The following BNC2 variants were observed in gnomAD, a reference collection of about 807,000 sequenced individuals.
BNC2 encodes basonuclin zinc finger protein 2, also known as zinc finger protein basonuclin-2.
BNC2 carries 20 observed loss-of-function variants against 76.3 expected under a neutral mutation model. The ratio of observed to expected loss-of-function variants is 0.26; its 90% CI spans 0.18 to 0.38. The LOEUF (loss-of-function observed/expected upper bound fraction) is 0.38, where lower values mean the gene tolerates loss of function less well. BNC2 is among the 10% of genes least tolerant of loss of function. The probability of loss-of-function intolerance (pLI) is 1.00; values close to 1 mark genes in which losing one functional copy is unlikely to be tolerated. For missense variants in BNC2, 1,382 were observed against 1,399.8 expected (o/e 0.99, Z 0.20); for synonymous variants, 582 against 514.8 (o/e 1.13, Z -1.77).
chr9:16,713,031 G>A (rs1823894418), intron 3 of BNC2, among the ~76,000 whole-genome samples: 2 of 152,230 alleles, frequency 1.3e-5, no homozygotes, highest in Admixed American at 6.5e-5. Context: ...AAGAGAAGCA[G>A]TGTACCGTAA....
intron 1 of BNC2, among the ~76,000 whole-genome samples, chr9:16,746,662 G>C (rs1206775040): frequency 6.6e-6 from 1 of 150,764 alleles, no homozygotes; most frequent in East Asian, 2.1e-4. Flanking sequence ...ACCGCGCCTG[G>C]CCTAAACTTA....
At chr9:16,845,525 T>C (rs903692719) in intron 1 of BNC2, among the ~76,000 whole-genome samples, 1 of 151,724 alleles carries the variant, frequency 6.6e-6, no homozygotes, top group East Asian at 2.0e-4. Context: ...ATCGAGACCA[T>C]CCTGGCTAAC....
rs552108281 is a variant in BNC2 at position 16,678,779 on chromosome 9, T to C, written c.330+49018A>G. ...GGAACCTACACACCATTGATCCATTTAGTGCACAAAAACTCAGAGTTGTCC... is the reference window on the plus strand; with the variant it reads ...GGAACCTACACACCATTGATCCATTCAGTGCACAAAAACTCAGAGTTGTCC... On this transcript the variant is annotated intron_variant, in intron 3 of 6. Transcript: ENST00000380672. 1.1e-4 allele frequency among the ~76,000 whole-genome samples: 16 copies of C among 152,288 alleles called. No homozygotes were observed. In the East Asian group the frequency reaches 2.7e-3, roughly 26 times the overall value.
chr9:16,789,510 C>T (rs1037534516), intron 1 of BNC2, among the ~76,000 whole-genome samples: 1 of 152,164 alleles, frequency 6.6e-6, no homozygotes. Flanking sequence ...CCTGTGCTTT[C>T]CATGCAGAAG....
chr9:16,646,850 G>A (rs529192419), intron 3 of BNC2, among the ~76,000 whole-genome samples: 84 of 152,268 alleles, frequency 5.5e-4, no homozygotes, highest in Non-Finnish European at 1.1e-3. Flanking sequence ...TATTGTAACA[G>A]CTGGGAATCC....
Position 16,630,644 on chromosome 9 carries a change from C to A in BNC2, c.331-47559G>T, listed in dbSNP as rs116349629. On this transcript the variant is annotated intron_variant, in intron 3 of 6. Transcript: ENST00000380672. ...GTGTACTTCTTTTCCTTTTTTTAAA[C>A]AGTGTGAGAAATTTTATTTTTAAGA... Among the ~76,000 whole-genome samples, 1,396 of 151,832 alleles carry A rather than the reference C, an allele frequency of 9.2e-3. 34 individuals carry two copies. The highest frequency in any genetic ancestry group is 0.031 in the African/African-American group (1,300 of 41,356).
At chr9:16,740,950 A>G (rs961645174) in intron 1 of BNC2, among the ~76,000 whole-genome samples, 7 of 152,204 alleles carry the variant, frequency 4.6e-5, no homozygotes, top group African/African-American at 1.7e-4. Flanking sequence ...CTCATGTTAG[A>G]AAACCAATTT....
intron 1 of BNC2, among the ~76,000 whole-genome samples, chr9:16,803,366 C>T (rs977965458): frequency 6.6e-6 from 1 of 152,196 alleles, no homozygotes; most frequent in African/African-American, 2.4e-5. Context: ...ATACGTACCT[C>T]TGCCCCAAAA....
At chr9:16,677,153 C>T (rs1281441258) in intron 3 of BNC2, among the ~76,000 whole-genome samples, 1 of 152,174 alleles carries the variant, frequency 6.6e-6, no homozygotes, top group East Asian at 1.9e-4. Context: ...AACAACAATG[C>T]ATTCACTATT....
chr9:16,858,801 G>A (rs903268482), intron 1 of BNC2, among the ~76,000 whole-genome samples: 4 of 151,276 alleles, frequency 2.6e-5, no homozygotes, highest in Admixed American at 1.3e-4. Flanking sequence ...AGCCAAGATT[G>A]CACCACTGCA....
At chr9:16,715,918 T>C (rs1384191181) in intron 3 of BNC2, among the ~76,000 whole-genome samples, 2 of 152,162 alleles carry the variant, frequency 1.3e-5, no homozygotes, top group Non-Finnish European at 2.9e-5. Flanking sequence ...TTACAGAATA[T>C]AAGACAATGG....
intron 1 of BNC2, among the ~76,000 whole-genome samples, chr9:16,773,512 G>GA (rs71327857): frequency 0.042 from 5,129 of 121,830 alleles, 243 homozygotes; most frequent in African/African-American, 0.15. Context: ...CATGCAATCA[G>GA]AAAAAAAAAA....
intron 3 of BNC2, among the ~76,000 whole-genome samples, chr9:16,639,665 C>T (rs137861303): frequency 6.6e-6 from 1 of 152,030 alleles, no homozygotes; most frequent in Non-Finnish European, 1.5e-5. Context: ...GCCTGTAATC[C>T]CAGTGCTTTG....
chr9:16,580,174 A>G (rs1408290042), intron 4 of BNC2: 1 of 398,384 alleles, frequency 2.5e-6, no homozygotes, highest in Non-Finnish European at 4.4e-6. Context: ...GAATGAAGCA[A>G]TTAGTTGTAA....
chr9:16,749,201 A>G (rs1331810476), intron 1 of BNC2, among the ~76,000 whole-genome samples: 1 of 152,074 alleles, frequency 6.6e-6, no homozygotes, highest in Non-Finnish European at 1.5e-5. Flanking sequence ...TTTACAGTAT[A>G]GCTGGAGAGA....
chr9:16,776,210 G>A (rs1428609915), intron 1 of BNC2, among the ~76,000 whole-genome samples: 1 of 79,622 alleles, frequency 1.3e-5, no homozygotes, highest in African/African-American at 1.1e-4. Context: ...AACCATCTCG[G>A]GCTCACTGCA....
chr9:16,783,476 T>C (rs1206143519), intron 1 of BNC2, among the ~76,000 whole-genome samples: 1 of 152,220 alleles, frequency 6.6e-6, no homozygotes, highest in South Asian at 2.1e-4. Flanking sequence ...ATGTTATAGC[T>C]ACGCTTACGC....
At chr9:16,708,647 G>A (rs1823748333) in intron 3 of BNC2, among the ~76,000 whole-genome samples, 1 of 152,032 alleles carries the variant, frequency 6.6e-6, no homozygotes, top group African/African-American at 2.4e-5. Context: ...GGAAGGGCGG[G>A]GTGAGAGAGA....
At chr9:16,668,088 G>A (rs1822354613) in intron 3 of BNC2, among the ~76,000 whole-genome samples, 1 of 152,162 alleles carries the variant, frequency 6.6e-6, no homozygotes, top group South Asian at 2.1e-4. Flanking sequence ...CTGTCCTTCG[G>A]GAAGATCACA....
Sources: gnomAD v4.1 joint callset for allele counts (sites outside exome capture counted in the v4.1 genomes callset) on GRCh38, gnomAD v4.1.1 for gene constraint, MANE v1.5 for transcripts, NCBI Gene and HGNC (gene_info 2026-07-23, HGNC 2026-07-21) for gene names.